The following CDKN2B-AS1 variants were observed in gnomAD, a reference collection of about 807,000 sequenced individuals.
The protein encoded by CDKN2B-AS1 is CDKN2B and CDKN2A antisense cis and trans regulatory RNA 1.
At chr9:22,027,828 A>C (rs2131238709) in intron 1 of CDKN2B-AS1, among the ~76,000 whole-genome samples, 1 of 152,320 alleles carries the variant, frequency 6.6e-6, no homozygotes, top group African/African-American at 2.4e-5. Flanking sequence ...TGATGCTGTA[A>C]GGAAAGGAAA....
At chr9:21,998,689 G>T (rs577713305) in intron 1 of CDKN2B-AS1, among the ~76,000 whole-genome samples, 14 of 152,180 alleles carry the variant, frequency 9.2e-5, no homozygotes, top group Non-Finnish European at 1.9e-4. Context: ...CATTCCATAG[G>T]CAGGGATAGG....
intron 1 of CDKN2B-AS1, chr9:22,008,607 G>T: frequency 6.6e-7 from 1 of 1,524,038 alleles, no homozygotes; most frequent in East Asian, 2.3e-5. Context: ...CTTAAACAGT[G>T]GGTTTTTCAA....
intron 1 of CDKN2B-AS1, among the ~76,000 whole-genome samples, chr9:21,998,429 G>A (rs1012435136): frequency 1.3e-5 from 2 of 152,176 alleles, no homozygotes; most frequent in Non-Finnish European, 2.9e-5. Flanking sequence ...CTCAAATCTT[G>A]AACACTTCAT....
chr9:22,047,803 T>A (rs1049423703), intron 2 of CDKN2B-AS1, among the ~76,000 whole-genome samples: 1 of 151,436 alleles, frequency 6.6e-6, no homozygotes, highest in Admixed American at 6.6e-5. Flanking sequence ...CTTTTTTTTT[T>A]TTAGACAGGG....
At chr9:22,060,643 G>A (rs1044374730) in intron 4 of CDKN2B-AS1, among the ~76,000 whole-genome samples, 3 of 152,088 alleles carry the variant, frequency 2.0e-5, no homozygotes, top group Non-Finnish European at 2.9e-5. Context: ...CCACTCTACT[G>A]GTACCAATTT....
At chr9:22,033,681 C>T (rs907944686) in intron 1 of CDKN2B-AS1, among the ~76,000 whole-genome samples, 5 of 152,150 alleles carry the variant, frequency 3.3e-5, no homozygotes, top group Non-Finnish European at 7.4e-5. Context: ...AGATTATCAT[C>T]CATAGTTTGA....
intron 1 of CDKN2B-AS1, chr9:22,008,606 T>G (rs1821311940): frequency 2.0e-6 from 3 of 1,521,188 alleles, no homozygotes; most frequent in Non-Finnish European, 2.7e-6. Context: ...GCTTAAACAG[T>G]GGGTTTTTCA....
Position 22,039,497 on chromosome 9 carries a change from ATTG to A in CDKN2B-AS1, n.30-7246_30-7244del, listed in dbSNP as rs1230324658. 6.6e-6 allele frequency among the ~76,000 whole-genome samples: 1 copy of A among 152,024 alleles called. No homozygotes were observed. The highest frequency in any genetic ancestry group is 2.4e-5 in the African/African-American group (1 of 41,434). On this transcript the variant is annotated intron_variant and non_coding_transcript_variant, in intron 1 of 4. Coordinates refer to ENST00000650946, the Ensembl canonical transcript of CDKN2B-AS1. This position sits in a 1 kb window ranked among gnomAD's most constrained non-coding sequence, Gnocchi z 4.4. ...GTGTTTTAACATCTGTGTGGATAGC[ATTG>A]TTGTTGTAATATTTTGACTGTAAGC... is the stretch of plus-strand genomic sequence containing the variant.
At chr9:22,057,712 G>A (rs1263350553) in intron 4 of CDKN2B-AS1, among the ~76,000 whole-genome samples, 1 of 151,742 alleles carries the variant, frequency 6.6e-6, no homozygotes, top group Non-Finnish European at 1.5e-5. Context: ...GGAGGCAGAG[G>A]TGGAGGATTG....
chr9:22,025,425 A>G (rs1008735742), intron 1 of CDKN2B-AS1, among the ~76,000 whole-genome samples: 1 of 152,078 alleles, frequency 6.6e-6, no homozygotes, highest in Non-Finnish European at 1.5e-5. Flanking sequence ...AGAGGCTTTC[A>G]GTTGTCCGTG....
At chr9:22,036,726 T>C (rs1006496018) in intron 1 of CDKN2B-AS1, among the ~76,000 whole-genome samples, 3 of 152,100 alleles carry the variant, frequency 2.0e-5, no homozygotes, top group African/African-American at 7.2e-5. Context: ...TCTGCCTTCA[T>C]GCAAACCTTT....
At chr9:22,026,718 A>G (rs1254742108) in intron 1 of CDKN2B-AS1, among the ~76,000 whole-genome samples, 3 of 152,154 alleles carry the variant, frequency 2.0e-5, no homozygotes, top group African/African-American at 7.2e-5. Flanking sequence ...CAGCTTTGCC[A>G]AAGTCGCAGC....
chr9:22,036,728 C>T (rs1015587559), intron 1 of CDKN2B-AS1, among the ~76,000 whole-genome samples: 1 of 152,054 alleles, frequency 6.6e-6, no homozygotes, highest in Non-Finnish European at 1.5e-5. Context: ...TGCCTTCATG[C>T]AAACCTTTGA....
chr9:22,030,653 T>G (rs560069073), intron 1 of CDKN2B-AS1: 15 of 152,288 alleles, frequency 9.8e-5, no homozygotes, highest in African/African-American at 3.6e-4. Flanking sequence ...AATTCAGGTC[T>G]AGCTCTGCAA....
At chr9:22,015,905 G>A (rs1821732429) in intron 1 of CDKN2B-AS1, among the ~76,000 whole-genome samples, 1 of 152,136 alleles carries the variant, frequency 6.6e-6, no homozygotes, top group Non-Finnish European at 1.5e-5. Context: ...TTTGAGAAGT[G>A]TCTGTTCATA....
chr9:22,105,498 A>G (rs1412898380), intron 4 of CDKN2B-AS1, among the ~76,000 whole-genome samples: 1 of 152,084 alleles, frequency 6.6e-6, no homozygotes, highest in African/African-American at 2.4e-5. Context: ...TTTGCATGAT[A>G]TTTTCACAAG....
chr9:22,016,527 A>G (rs945770277), intron 1 of CDKN2B-AS1, among the ~76,000 whole-genome samples: 5 of 152,242 alleles, frequency 3.3e-5, no homozygotes, highest in Non-Finnish European at 7.3e-5. Flanking sequence ...TGGAGGCATC[A>G]TGCAACCTGA....
At position 22,077,078 on chromosome 9, in the gene CDKN2B-AS1, G is replaced by C. The variant is rs1045354505; in HGVS notation, n.438+20691G>C. On this transcript the variant is annotated intron_variant and non_coding_transcript_variant, in intron 4 of 4. Transcript: ENST00000650946. ...TATTTGCTACTTTGTATCCTTTGAG[G>C]TACATCTACCCATTTCCTCCACCCA... is the stretch of plus-strand genomic sequence containing the variant. Among the ~76,000 whole-genome samples, 3 of 152,078 alleles carry C rather than the reference G, an allele frequency of 2.0e-5. No homozygotes were observed. In the South Asian group the frequency reaches 6.2e-4, roughly 32 times the overall value.
chr9:22,007,088 A>G (rs1438604009), intron 1 of CDKN2B-AS1, among the ~76,000 whole-genome samples: 1 of 152,230 alleles, frequency 6.6e-6, no homozygotes, highest in Non-Finnish European at 1.5e-5. Flanking sequence ...GGCCAGGCCC[A>G]GTGGCTTATG....
Sources: gnomAD v4.1 joint callset for allele counts (sites outside exome capture counted in the v4.1 genomes callset) on GRCh38, gnomAD v4.1.1 for gene constraint, Gnocchi (gnomAD v3.1) non-coding constraint, MANE v1.5 for transcripts, NCBI Gene and HGNC (gene_info 2026-07-23, HGNC 2026-07-21) for gene names.